AGBL4: variants seen among roughly 807,000 people sequenced by gnomAD.
The protein encoded by AGBL4 is AGBL carboxypeptidase 4.
AGBL4 carries 58 observed loss-of-function variants against 66.4 expected under a neutral mutation model. That is an observed-to-expected ratio of 0.87 (90% CI 0.71 to 1.09). AGBL4 has a LOEUF of 1.09. Ranked by LOEUF, AGBL4 falls within the 50% of genes least tolerant of loss-of-function variation. The pLI is 0.00. For missense variants in AGBL4, 579 were observed against 631.0 expected, an observed-to-expected ratio of 0.92 and a Z score of 0.88; for synonymous variants, 234 against 222.9, an observed-to-expected ratio of 1.05 and a Z score of -0.44.
rs922309801 is a variant in AGBL4 at position 49,072,950 on chromosome 1, C to CT, written c.378-27151dup. ...CAGGCTTTGTTCATTTCTTTTCACT[C>CT]TTTTTTTTATCTAATCTTGTCTTCT... On this transcript the variant is annotated intron_variant, in intron 4 of 13. Transcript: ENST00000371839. Among the ~76,000 whole-genome samples, 17 of 152,146 alleles carry CT rather than the reference C, an allele frequency of 1.1e-4. No homozygotes were observed. In the East Asian group the frequency reaches 1.4e-3, roughly 12 times the overall value.
At chr1:48,842,593 T>C (rs114495092) in intron 6 of AGBL4, among the ~76,000 whole-genome samples, 3 of 152,076 alleles carry the variant, frequency 2.0e-5, no homozygotes, top group African/African-American at 7.2e-5. Context: ...AAGAGAACCA[T>C]AAAGCAAAGT....
intron 3 of AGBL4, among the ~76,000 whole-genome samples, chr1:49,475,084 G>A (rs1438651272): frequency 2.0e-5 from 3 of 151,884 alleles, no homozygotes; most frequent in Admixed American, 6.6e-5. Flanking sequence ...TATCATAGAT[G>A]GCTTTTATTA....
chr1:49,341,198 C>CA (rs1316014789), intron 3 of AGBL4, among the ~76,000 whole-genome samples: 1 of 151,976 alleles, frequency 6.6e-6, no homozygotes, highest in Non-Finnish European at 1.5e-5. Flanking sequence ...GAACAAGATC[C>CA]AAAAAACCCT....
intron 3 of AGBL4, chr1:49,423,236 G>A (rs897256633): frequency 4.7e-4 from 72 of 152,180 alleles, no homozygotes; most frequent in African/African-American, 1.5e-3. Flanking sequence ...ATATTTGTCT[G>A]TGTCTCCTCC....
intron 3 of AGBL4, among the ~76,000 whole-genome samples, chr1:49,620,761 T>A (rs1180179700): frequency 6.6e-6 from 1 of 152,194 alleles, no homozygotes; most frequent in East Asian, 1.9e-4. Flanking sequence ...GCCTGGTGAA[T>A]AACAGGTCAA....
At chr1:49,193,823 G>A (rs543611991) in intron 4 of AGBL4, among the ~76,000 whole-genome samples, 26 of 152,178 alleles carry the variant, frequency 1.7e-4, no homozygotes, top group African/African-American at 3.9e-4. Flanking sequence ...GTGAGCCACC[G>A]TGCCCAGCCT....
chr1:48,567,199 G>A (rs773587038), intron 11 of AGBL4, among the ~76,000 whole-genome samples: 1 of 152,132 alleles, frequency 6.6e-6, no homozygotes, highest in Non-Finnish European at 1.5e-5. Flanking sequence ...CTGTGGCCCT[G>A]ACTGTGTATG....
intron 4 of AGBL4, among the ~76,000 whole-genome samples, chr1:49,124,537 G>A (rs1391439327): frequency 6.6e-6 from 1 of 152,204 alleles, no homozygotes; most frequent in Non-Finnish European, 1.5e-5. Flanking sequence ...GCAGCAGGCT[G>A]ATGTAGCTCA....
chr1:49,458,604 T>C (rs997745801), intron 3 of AGBL4, among the ~76,000 whole-genome samples: 4 of 151,766 alleles, frequency 2.6e-5, no homozygotes, highest in Non-Finnish European at 5.9e-5. Flanking sequence ...ATAGAAGTGG[T>C]GAAAGTGGGC....
chr1:49,422,529 A>G (rs1392139197), intron 3 of AGBL4, among the ~76,000 whole-genome samples: 1 of 152,216 alleles, frequency 6.6e-6, no homozygotes, highest in Non-Finnish European at 1.5e-5. Flanking sequence ...AATTGAATTA[A>G]TATGTATCAA....
chr1:48,589,995 C>A (rs1644886628), intron 10 of AGBL4, among the ~76,000 whole-genome samples: 1 of 152,214 alleles, frequency 6.6e-6, no homozygotes, highest in Non-Finnish European at 1.5e-5. Flanking sequence ...TGCCTGTAAT[C>A]CCAGCATTTT....
chr1:48,562,368 GAAACTT>G, intron 11 of AGBL4, among the ~76,000 whole-genome samples: 2 of 152,238 alleles, frequency 1.3e-5, no homozygotes, highest in Middle Eastern at 6.8e-3. Context: ...GTTCTTTGTA[GAAACTT>G]GTGGAATGCC....
intron 1 of AGBL4, among the ~76,000 whole-genome samples, chr1:49,980,378 A>G (rs954482371): frequency 5.3e-5 from 8 of 152,154 alleles, no homozygotes; most frequent in African/African-American, 1.9e-4. Flanking sequence ...TGCAAAACTG[A>G]AACTAAATTT....
At chr1:49,842,358 A>G in intron 2 of AGBL4, 1 of 563,120 alleles carries the variant, frequency 1.8e-6, no homozygotes, top group Non-Finnish European at 2.9e-6. Flanking sequence ...TGGGCGGTGG[A>G]CTCTGGAGTT....
At chr1:49,112,862 G>C (rs950563125) in intron 4 of AGBL4, among the ~76,000 whole-genome samples, 4 of 152,054 alleles carry the variant, frequency 2.6e-5, no homozygotes, top group Non-Finnish European at 5.9e-5. Context: ...ACCCCTCATA[G>C]CTATTCATAA....
chr1:49,812,276 T>C (rs963182387), intron 2 of AGBL4, among the ~76,000 whole-genome samples: 2 of 152,202 alleles, frequency 1.3e-5, no homozygotes, highest in Non-Finnish European at 2.9e-5. Context: ...ACTCCAATTG[T>C]TTGGGTAAAG....
intron 6 of AGBL4, among the ~76,000 whole-genome samples, chr1:48,816,841 T>C (rs1012153454): frequency 6.6e-6 from 1 of 152,184 alleles, no homozygotes; most frequent in Non-Finnish European, 1.5e-5. Flanking sequence ...AGTAGTATGA[T>C]ACATGCTACG....
chr1:49,524,289 G>A (rs1344683061), intron 3 of AGBL4, among the ~76,000 whole-genome samples: 3 of 151,966 alleles, frequency 2.0e-5, no homozygotes, highest in Non-Finnish European at 4.4e-5. Flanking sequence ...CACAACACTC[G>A]TATCAGGTAA....
intron 6 of AGBL4, among the ~76,000 whole-genome samples, chr1:48,764,664 C>G (rs1644444859): frequency 2.0e-5 from 3 of 152,186 alleles, no homozygotes; most frequent in African/African-American, 7.2e-5. Flanking sequence ...GTCAGACAAC[C>G]TGGATTCCAA....
Sources: gnomAD v4.1 joint callset for allele counts (sites outside exome capture counted in the v4.1 genomes callset) on GRCh38, gnomAD v4.1.1 for gene constraint, MANE v1.5 for transcripts, NCBI Gene and HGNC (gene_info 2026-07-23, HGNC 2026-07-21) for gene names.